MUC4: variants seen among roughly 807,000 people sequenced by gnomAD.
MUC4 encodes the protein mucin-4.
MUC4 carries 202 observed loss-of-function variants against 257.9 expected under a neutral mutation model. The ratio of observed to expected loss-of-function variants is 0.78; its 90% CI spans 0.70 to 0.88. The LOEUF (loss-of-function observed/expected upper bound fraction) is 0.88, where lower values mean the gene tolerates loss of function less well. Ranked by LOEUF, MUC4 falls within the 40% of genes least tolerant of loss-of-function variation. MUC4 has a pLI of 0.00. For missense variants in MUC4, 5,976 were observed against 6,513.7 expected (o/e 0.92, Z 2.84); for synonymous variants, 2,351 against 2,757.1 (o/e 0.85, Z 4.62).
intron 1 of MUC4, among the ~76,000 whole-genome samples, chr3:195,805,042 C>T (rs541860366): frequency 7.3e-5 from 11 of 150,800 alleles, no homozygotes; most frequent in Non-Finnish European, 1.0e-4. Context: ...GAGAGGGTGA[C>T]GTTGCCTGTT....
At chr3:195,778,203 T>A in intron 3 of MUC4, 100 bp downstream of exon 3, 1 of 1,425,142 alleles carries the variant, frequency 7.0e-7, no homozygotes, top group South Asian at 1.4e-5. Context: ...GGTAAGGCCC[T>A]CCCCACCCGA....
At position 195,780,296 on chromosome 3, in the gene MUC4, G is replaced by T. The variant is rs1196311646; in HGVS notation, c.11284C>A (p.Leu3762Ile). ...GACACTGAGGAAGCGTCGGTGACAA[G>T]AAGAGGGGTGGCGTGACCTGTGGAT... ...SASTGHATPL[L>I]VTDASSVSTG... The change falls in exon 2 of 25, where the codon CTT becomes ATT. Residue 3762 changes from leucine to isoleucine, a missense_variant. Physicochemically the swap from Leu to Ile is conservative, Grantham distance 5. Transcript: ENST00000463781. 1 of 1,520,550 alleles carries T rather than the reference G, an allele frequency of 6.6e-7. No homozygotes were observed. Among genetic ancestry groups the T allele is most frequent in the Non-Finnish European group, 8.9e-7 (1 of 1,123,030 alleles). 94.2% of individuals were successfully genotyped at this position (1,520,550 alleles called of 1,614,324 possible). A position where few individuals can be genotyped will look rare whatever the true frequency, so the allele number is the denominator to read the frequency against.
At position 195,754,227 on chromosome 3, in the gene MUC4, C is replaced by T. The variant is rs755935905; in HGVS notation, c.15314G>A (p.Gly5105Glu). Residue 5105 changes from glycine (G) to glutamate (E), a missense_variant, in exon 19 of 25, where the codon GGG becomes GAG. Gly to Glu is a moderately conservative substitution (Grantham distance 98). This residue lies in a region of MUC4 where 996 missense variants were observed against 1,137.3 expected (regional missense o/e 0.88). Coordinates refer to ENST00000463781, the MANE Select transcript of MUC4 (RefSeq NM_018406.7). Reference sequence around the variant, plus strand: ...TCCCGGCTCACCCGCACAGTGCCGCCCATCCCCAGTCAGGTTTGGAGGGCA... The same window carrying T: ...TCCCGGCTCACCCGCACAGTGCCGCTCATCCCCAGTCAGGTTTGGAGGGCA... ...EACPPNLTGDGRHCAALGSSF... is the reference protein window; with the variant it reads ...EACPPNLTGDERHCAALGSSF... 7.4e-6 allele frequency: 12 copies of T among 1,613,660 alleles called. No homozygotes were observed. The highest frequency in any genetic ancestry group is 9.3e-6 in the Non-Finnish European group (11 of 1,179,816).
rs1727836715 is a variant in MUC4, at chr3:195,781,357, G to GT, written c.10222_10223insA (p.Pro3408HisfsTer6). The GT allele has an allele frequency of 6.8e-7, 1 of 1,462,626 alleles. No individual in the cohort carries two copies. The highest frequency in any genetic ancestry group is 1.5e-5 in the African/African-American group (1 of 68,806). The allele number at this position is 1,462,626 out of a possible 1,614,324, so 90.6% of individuals were successfully genotyped here. A position where few individuals can be genotyped will look rare whatever the true frequency, so the allele number is the denominator to read the frequency against. On this transcript the variant is annotated frameshift_variant, in exon 2 of 25. Coordinates refer to ENST00000463781, the MANE Select transcript of MUC4 (RefSeq NM_018406.7). LOFTEE classifies it high-confidence loss of function. ...TGAGGAAGGGCTAGTGACAGGAAGAGGCATGGTGTCACCTGTGGATACTGA... is the reference window on the plus strand; with the variant it reads ...TGAGGAAGGGCTAGTGACAGGAAGAGTGCATGGTGTCACCTGTGGATACTGA...
intron 15 of MUC4, 92 bp downstream of exon 15, chr3:195,761,392 G>T (rs1718873782): frequency 4.6e-6 from 5 of 1,096,060 alleles, no homozygotes; most frequent in Non-Finnish European, 6.9e-6. Flanking sequence ...AGGGAGGATG[G>T]AGGTCTGCTT....
chr3:195,787,995 T>C lies in MUC4; in HGVS notation c.3585A>G (p.Thr1195=), dbSNP rs759170544. ...TGACAAGAAGAGGGGTGGCGTGACC[T>C]GTGGATGCTGAGGAAGGGCTAGTGA... ...LPVTSPSSAS[T]GHATPLLVTD... is the part of the protein sequence containing the mutation. Residue 1195 remains threonine (T), a synonymous_variant, in exon 2 of 25, where the codon ACA becomes ACG. Coordinates refer to ENST00000463781, the MANE Select transcript of MUC4 (RefSeq NM_018406.7). 5.9e-6 allele frequency: 8 copies of C among 1,360,786 alleles called. No individual in the cohort carries two copies. In the East Asian group the frequency reaches 1.9e-4, roughly 32 times the overall value. The allele number at this position is 1,360,786 out of a possible 1,614,324, so 84.3% of individuals were successfully genotyped here.
intron 7 of MUC4, among the ~76,000 whole-genome samples, chr3:195,767,575 A>ATCACCACCACCATTACCATTG (rs1560261898): frequency 9.5e-6 from 1 of 105,342 alleles, no homozygotes; most frequent in Admixed American, 8.9e-5. Flanking sequence ...CACCACCATC[A>ATCACCACCACCATTACCATTG]CCACCACCAT....
At chr3:195,778,480 G>A (rs773705766) in intron 2 of MUC4, 25 bp from the exon 3 acceptor site, 70 of 1,608,320 alleles carry the variant, frequency 4.4e-5, no homozygotes, top group Non-Finnish European at 5.5e-5. Flanking sequence ...AGACAAGGCG[G>A]GGTGTTTCTT....
At position 195,764,162 on chromosome 3, in the gene MUC4, G is replaced by T; in HGVS notation, c.13927C>A (p.Gln4643Lys). 1 of 1,564,536 alleles carries T rather than the reference G, an allele frequency of 6.4e-7. No individual in the cohort carries two copies. Among genetic ancestry groups the T allele is most frequent in the Non-Finnish European group, 8.7e-7 (1 of 1,154,824 alleles). ...WHVQRPWQLA[Q>K]ELEPQSWCCR... is the part of the protein sequence containing the mutation. ...CACCAGCTCTGTGGCTCCAGTTCCT[G>T]GGCTGCGGAGAACAGCAGTGAGTCG... is the stretch of plus-strand genomic sequence containing the variant. Residue 4643 changes from glutamine (Q) to lysine (K), a missense_variant and splice_region_variant, in exon 11 of 25, where the codon CAG (glutamine) becomes AAG (lysine). Coordinates refer to ENST00000463781, the MANE Select transcript of MUC4 (RefSeq NM_018406.7).
chr3:195,778,154 A>C (rs1725420557), intron 3 of MUC4, 149 bp downstream of exon 3: 1 of 1,071,606 alleles, frequency 9.3e-7, no homozygotes, highest in African/African-American at 1.7e-5. Flanking sequence ...GCACAAAGCC[A>C]GCCCTCAGGA....
Position 195,777,674 on chromosome 3 carries a change from C to G in MUC4, c.12943+629G>C, listed in dbSNP as rs1313357777. On this transcript the variant is annotated intron_variant, in intron 3 of 24. Coordinates refer to ENST00000463781, the MANE Select transcript of MUC4 (RefSeq NM_018406.7). ...ACCTTCCACACCCATACCTTCCACA[C>G]CCATACCTTCCACATCCATACCTTC... is the stretch of plus-strand genomic sequence containing the variant. Among the ~76,000 whole-genome samples, 43 of 36,838 alleles carry G rather than the reference C, an allele frequency of 1.2e-3. 1 individual carries two copies. The highest frequency in any genetic ancestry group is 0.01 in the Middle Eastern group (1 of 96). The allele number at this position is 36,838 out of a possible 152,430, so 24.2% of individuals were successfully genotyped here.
Position 195,774,290 on chromosome 3 carries a change from G to C in MUC4, c.12959C>G (p.Pro4320Arg), listed in dbSNP as rs768070466. The C allele has an allele frequency of 1.3e-6, 2 of 1,564,124 alleles. No individual in the cohort carries two copies. Among genetic ancestry groups the C allele is most frequent in the African/African-American group, 2.8e-5 (2 of 72,452 alleles). The change falls in exon 4 of 25, where the codon CCC becomes CGC. Residue 4320 changes from proline (P) to arginine (R), a missense_variant. Pro to Arg is a moderately radical substitution (Grantham distance 103). Around this residue, in one of 44 missense-constraint regions of MUC4, gnomAD observed 233 missense variants for 171.2 expected, o/e 1.36. Coordinates refer to ENST00000463781, the MANE Select transcript of MUC4 (RefSeq NM_018406.7). ...ILPERGVSLF[P>R]YGAGAGDLEF... is the part of the protein sequence containing the mutation. ...CAGGTCCCCGGCGCCTGCCCCATAGGGGAAGAGGGAAACTCCTGGGCCAGG... is the reference window on the plus strand; with the variant it reads ...CAGGTCCCCGGCGCCTGCCCCATAGCGGAAGAGGGAAACTCCTGGGCCAGG...
In MUC4 at chr3:195,751,629, G is replaced by A. The variant is rs1462903503; in HGVS notation, c.15583-358C>T. ...GGTTGTTTAGACCTAGGAGATGGTC[G>A]GGGCTGGGGGTGTCAAGGTGACTTA... On this transcript the variant is annotated intron_variant, in intron 21 of 24. Coordinates refer to ENST00000463781, the MANE Select transcript of MUC4 (RefSeq NM_018406.7). The A allele has an allele frequency of 4.9e-5, 19 of 383,854 alleles. No homozygotes were observed. In the Admixed American group the frequency reaches 6.7e-4, roughly 14 times the overall value. 23.8% of individuals were successfully genotyped at this position (383,854 alleles called of 1,614,324 possible). A position where few individuals can be genotyped will look rare whatever the true frequency, so the allele number is the denominator to read the frequency against.
intron 1 of MUC4, among the ~76,000 whole-genome samples, chr3:195,793,547 G>A (rs895628197): frequency 6.6e-6 from 1 of 151,944 alleles, no homozygotes; most frequent in Admixed American, 6.6e-5. Flanking sequence ...GAGAGATGGG[G>A]GTGCAGGATT....
intron 17 of MUC4, 91 bp downstream of exon 17, chr3:195,759,033 T>C (rs1162192079): frequency 4.8e-5 from 70 of 1,472,744 alleles, no homozygotes; most frequent in Non-Finnish European, 6.4e-5. Flanking sequence ...CAAGTGTTGC[T>C]GGGTGTAGCA....
Position 195,789,461 on chromosome 3 carries a change from G to A in MUC4, c.2119C>T (p.Gln707Ter), listed in dbSNP as rs375186508. 1.1e-5 allele frequency: 17 copies of A among 1,613,918 alleles called. No homozygotes were observed. The highest frequency in any genetic ancestry group is 1.4e-5 in the Non-Finnish European group (17 of 1,179,828). ...GCCTGCAGTGCTGTGGTCGGGGCCT[G>A]GGTTGTGTGACCATCCCCGGTGGGA... ...PAPTGDGHTT[Q>*]APTTALQAAP... The change falls in exon 2 of 25, where the codon CAG (glutamine) becomes TAG (stop). Residue 707 changes from glutamine (Q) to a stop codon, truncating the protein, a stop_gained. Transcript: ENST00000463781. LOFTEE classifies it high-confidence loss of function.
Position 195,781,186 on chromosome 3 carries a change from G to T in MUC4, c.10394C>A (p.Ala3465Glu). Residue 3465 changes from alanine to glutamate, a missense_variant, in exon 2 of 25, where the codon GCA (alanine) becomes GAA (glutamate). Ala to Glu is a moderately radical substitution (Grantham distance 107). Coordinates refer to ENST00000463781, the MANE Select transcript of MUC4 (RefSeq NM_018406.7). ...TPLPVTDTSS[A>E]STGDTTPLPV... ...AAGAGGGGTGGTGTCACCTGTGGAT[G>T]CTGAGGAAGTGTCGGTGACAGGAAG... is the stretch of plus-strand genomic sequence containing the variant. 4 of 1,449,974 alleles carry T rather than the reference G, an allele frequency of 2.8e-6. No individual in the cohort carries two copies. Among genetic ancestry groups the T allele is most frequent in the Non-Finnish European group, 3.7e-6 (4 of 1,092,304 alleles). The allele number at this position is 1,449,974 out of a possible 1,614,324, so 89.8% of individuals were successfully genotyped here.
At chr3:195,808,213 C>T (rs986333357) in intron 1 of MUC4, among the ~76,000 whole-genome samples, 2 of 151,968 alleles carry the variant, frequency 1.3e-5, no homozygotes, top group Non-Finnish European at 1.5e-5. Context: ...TTCTCAAACA[C>T]GTCTTTATGG....
intron 1 of MUC4, among the ~76,000 whole-genome samples, chr3:195,800,763 A>C (rs2149066104): frequency 6.6e-6 from 1 of 152,214 alleles, no homozygotes; most frequent in South Asian, 2.1e-4. Flanking sequence ...TTTTGGTAAG[A>C]AAATGGTTCT....
Sources: allele counts gnomAD v4.1 joint callset (sites outside exome capture counted in the v4.1 genomes callset), GRCh38; gene constraint gnomAD v4.1.1; regional missense constraint gnomAD v4.1.1; transcripts MANE v1.5; gene names NCBI Gene and HGNC (gene_info 2026-07-23, HGNC 2026-07-21).